IMPA2: variants seen among roughly 807,000 people sequenced by gnomAD.
IMPA2 encodes inositol monophosphatase 2, also known as IMP 2.
Under a neutral mutation model 35.1 loss-of-function variants are expected in IMPA2, and 32 were observed. That is an observed-to-expected ratio of 0.91 (90% CI 0.69 to 1.23). The LOEUF is 1.23. Ranked by LOEUF, IMPA2 falls within the 50% of genes most tolerant of loss-of-function variation. The probability of loss-of-function intolerance (pLI) is 0.00; values close to 1 mark genes in which losing one functional copy is unlikely to be tolerated. For missense variants in IMPA2, 334 were observed against 387.6 expected, an observed-to-expected ratio of 0.86 and a Z score of 1.16; for synonymous variants, 135 against 160.6, an observed-to-expected ratio of 0.84 and a Z score of 1.20.
At chr18:12,027,914 G>C (rs1907926643) in intron 5 of IMPA2, 129 bp from the exon 6 acceptor site, 1 of 624,380 alleles carries the variant, frequency 1.6e-6, no homozygotes. Flanking sequence ...TATCAAAAAA[G>C]CATTCAGCAT....
intron 7 of IMPA2, 88 bp from the exon 8 acceptor site, chr18:12,030,255 G>A: frequency 1.1e-6 from 1 of 929,488 alleles, no homozygotes; most frequent in Non-Finnish European, 1.7e-6. Flanking sequence ...CATTTCCTGT[G>A]CTGTGTGCAT....
chr18:12,012,294 T>A (rs1162793286), intron 4 of IMPA2, 79 bp downstream of exon 4: 11 of 1,229,920 alleles, frequency 8.9e-6, no homozygotes, highest in Non-Finnish European at 1.3e-5. Flanking sequence ...TCAGCCTCTG[T>A]GCGCCTGGTT....
intron 5 of IMPA2, among the ~76,000 whole-genome samples, chr18:12,027,807 C>T (rs1216877938): frequency 6.6e-6 from 1 of 151,448 alleles, no homozygotes; most frequent in Non-Finnish European, 1.5e-5. Flanking sequence ...GTCTGGAACT[C>T]ATGGCCTCAG....
chr18:12,015,555 G>T (rs1289917381), intron 5 of IMPA2, among the ~76,000 whole-genome samples: 2 of 152,310 alleles, frequency 1.3e-5, no homozygotes, highest in African/African-American at 4.8e-5. Context: ...GGGCAAGATT[G>T]TGCAAAGGAG....
At chr18:12,012,117 C>A (rs933021990) in intron 3 of IMPA2, 53 bp from the exon 4 acceptor site, 2 of 1,580,430 alleles carry the variant, frequency 1.3e-6, no homozygotes, top group South Asian at 1.1e-5. Context: ...CACAGGCTCC[C>A]GAGAGCTGCC....
intron 1 of IMPA2, among the ~76,000 whole-genome samples, chr18:11,997,112 C>T (rs2143787908): frequency 6.6e-6 from 1 of 152,314 alleles, no homozygotes; most frequent in South Asian, 2.1e-4. Context: ...TCAGGAATCA[C>T]CGTGGCCATA....
chr18:12,012,020 A>G, intron 3 of IMPA2, 150 bp from the exon 4 acceptor site: 1 of 658,282 alleles, frequency 1.5e-6, no homozygotes, highest in East Asian at 2.5e-5. Flanking sequence ...GGAAGCAGTT[A>G]GTGAAACTGT....
chr18:12,012,772 AT>A (rs1907470591), intron 4 of IMPA2, among the ~76,000 whole-genome samples: 1 of 152,174 alleles, frequency 6.6e-6, no homozygotes, highest in East Asian at 1.9e-4. Flanking sequence ...AAGAGCCTTA[AT>A]TTCTTTCTAA....
Position 11,986,350 on chromosome 18 carries a change from T to A in IMPA2, c.96+4585T>A, listed in dbSNP as rs1906665358. On this transcript the variant is annotated intron_variant, in intron 1 of 7. Coordinates refer to ENST00000269159, the MANE Select transcript of IMPA2 (RefSeq NM_014214.3). Reference sequence around the variant, plus strand: ...TTGCCTGTCTCCAGAGCCCGGCTCCTGAGCCCCTTCCTTCATGGACCGCTT... The same window carrying A: ...TTGCCTGTCTCCAGAGCCCGGCTCCAGAGCCCCTTCCTTCATGGACCGCTT... 1.3e-5 allele frequency among the ~76,000 whole-genome samples: 2 copies of A among 152,212 alleles called. 1 individual carries two copies. The highest frequency in any genetic ancestry group is 4.1e-4 in the South Asian group (2 of 4,828).
intron 1 of IMPA2, among the ~76,000 whole-genome samples, chr18:11,989,693 C>T (rs546280710): frequency 6.6e-6 from 1 of 152,300 alleles, no homozygotes; most frequent in African/African-American, 2.4e-5. Flanking sequence ...CCTTGGCACT[C>T]CAGGGTGCCA....
intron 2 of IMPA2, among the ~76,000 whole-genome samples, chr18:12,006,555 G>T (rs1181298370): frequency 6.6e-6 from 1 of 152,240 alleles, no homozygotes; most frequent in African/African-American, 2.4e-5. Flanking sequence ...GTCTTGCTTA[G>T]TGCTCCTGGC....
intron 4 of IMPA2, among the ~76,000 whole-genome samples, chr18:12,014,049 A>G (rs1015519236): frequency 6.6e-6 from 1 of 152,168 alleles, no homozygotes; most frequent in African/African-American, 2.4e-5. Context: ...TTAAAATTGT[A>G]CTTATTTAGC....
chr18:12,012,221 G>A lies in IMPA2; in HGVS notation c.381+6G>A, dbSNP rs1410280486. The A allele has an allele frequency of 3.7e-6, 6 of 1,613,772 alleles. No individual in the cohort carries two copies. The highest frequency in any genetic ancestry group is 1.6e-4 in the Middle Eastern group (1 of 6,084). ...GATTTGCTGTTCGACAAGAGGTGCG[G>A]GTGTGGCCCAGGTCCCCAGGGCCCC... On this transcript the variant is annotated splice_donor_region_variant and intron_variant, in intron 4 of 7. Coordinates refer to ENST00000269159, the MANE Select transcript of IMPA2 (RefSeq NM_014214.3).
intron 5 of IMPA2, among the ~76,000 whole-genome samples, chr18:12,019,651 A>C (rs1470008025): frequency 6.6e-6 from 1 of 152,076 alleles, no homozygotes; most frequent in Admixed American, 6.6e-5. Flanking sequence ...CCATTGGGCT[A>C]TCTTGTACTT....
At chr18:12,014,229 C>A in intron 4 of IMPA2, 36 bp from the exon 5 acceptor site, 1 of 1,427,658 alleles carries the variant, frequency 7.0e-7, no homozygotes, top group South Asian at 1.1e-5. Context: ...ACGAGTGAAC[C>A]ATCTTTGTTT....
intron 5 of IMPA2, among the ~76,000 whole-genome samples, chr18:12,015,274 TC>T (rs1176244470): frequency 6.6e-6 from 1 of 152,214 alleles, no homozygotes; most frequent in African/African-American, 2.4e-5. Flanking sequence ...TCTTCTGCTC[TC>T]CCATCAGCCT....
At chr18:11,993,905 C>T (rs1026294568) in intron 1 of IMPA2, 4 of 152,180 alleles carry the variant, frequency 2.6e-5, no homozygotes, top group Non-Finnish European at 4.4e-5. Context: ...GACAGCAGCC[C>T]GATTGTGAGG....
At chr18:11,993,533 A>G (rs1382305700) in intron 1 of IMPA2, among the ~76,000 whole-genome samples, 1 of 152,172 alleles carries the variant, frequency 6.6e-6, no homozygotes, top group African/African-American at 2.4e-5. Context: ...GGGTGAGGGT[A>G]GTTCCTGGAG....
At chr18:12,025,925 A>C (rs970086769) in intron 5 of IMPA2, among the ~76,000 whole-genome samples, 1 of 151,696 alleles carries the variant, frequency 6.6e-6, no homozygotes, top group African/African-American at 2.4e-5. Flanking sequence ...GCATCTTTCT[A>C]TATGCTTATT....
Sources: gnomAD v4.1 joint callset for allele counts (sites outside exome capture counted in the v4.1 genomes callset) on GRCh38, gnomAD v4.1.1 for gene constraint, MANE v1.5 for transcripts, NCBI Gene and HGNC (gene_info 2026-07-23, HGNC 2026-07-21) for gene names.